PXDN: variants seen among roughly 807,000 people sequenced by gnomAD.
PXDN encodes peroxidasin, also known as peroxidasin homolog.
A neutral mutation model predicts 140.3 loss-of-function variants in PXDN; 77 were observed. That is an observed-to-expected ratio of 0.55 (90% confidence interval 0.46 to 0.66). The LOEUF (loss-of-function observed/expected upper bound fraction) is 0.66, where lower values mean the gene tolerates loss of function less well. Ranked by LOEUF, PXDN falls within the 30% of genes least tolerant of loss-of-function variation. The pLI is 0.00. For synonymous variants in PXDN, 911 were observed against 857.4 expected, an observed-to-expected ratio of 1.06 and a Z score of -1.09; for missense variants, 1,838 against 2,039.5, an observed-to-expected ratio of 0.90 and a Z score of 1.90.
rs1411377082 is a variant in PXDN, at chr2:1,648,313, G to A, written c.3467C>T (p.Ala1156Val). The change falls in exon 17 of 23, where the codon GCC (alanine) becomes GTC (valine). Residue 1156 changes from alanine to valine, a missense_variant. By Grantham distance (64) the Ala-to-Val change is moderately conservative. Coordinates refer to ENST00000252804, the MANE Select transcript of PXDN (RefSeq NM_012293.3). The surrounding 1 kb of genome is among the most constrained non-coding windows in gnomAD (Gnocchi z 8.9). ...GTCCCGGCCCCGCTGGATGTTGATG[G>A]CCGCCAGGTCCAGAGCCACCGTGTG... ...MAHTVALDLA[A>V]INIQRGRDHG... 1 of 1,613,898 alleles carries A rather than the reference G, an allele frequency of 6.2e-7. No individual in the cohort carries two copies. The highest frequency in any genetic ancestry group is 1.1e-5 in the South Asian group (1 of 91,082).
At position 1,658,795 on chromosome 2, in the gene PXDN, A is replaced by G. The variant is rs13432129; in HGVS notation, c.1837+2086T>C. On this transcript the variant is annotated intron_variant, in intron 14 of 22. Transcript: ENST00000252804. ...CTCATTCTGACCCCAGGACCCCCCC[A>G]CTCTACTCTCCCAGACCAGGCTGCC... Among the ~76,000 whole-genome samples the G allele has an allele frequency of 1.7e-4, 20 of 117,448 alleles. No individual in the cohort carries two copies. In the East Asian group the frequency reaches 2.9e-3, roughly 17 times the overall value. 77.1% of individuals were successfully genotyped at this position (117,448 alleles called of 152,430 possible). A position where few individuals can be genotyped will look rare whatever the true frequency, so the allele number is the denominator to read the frequency against.
chr2:1,710,682 CCACTCTATGAACACCCA>C (rs1186917218), intron 1 of PXDN, among the ~76,000 whole-genome samples: 4 of 136,768 alleles, frequency 2.9e-5, no homozygotes, highest in Admixed American at 1.5e-4. Flanking sequence ...CTACCAGCAC[CCACTCTATGAACACCCA>C]CTCTCCACCA....
chr2:1,665,934 C>T (rs1253804873), intron 10 of PXDN, among the ~76,000 whole-genome samples: 1 of 152,186 alleles, frequency 6.6e-6, no homozygotes, highest in Non-Finnish European at 1.5e-5. Flanking sequence ...CACTCTCTCT[C>T]TCACTTATCT....
chr2:1,666,075 T>G (rs1254071809), intron 10 of PXDN, 139 bp downstream of exon 10: 2 of 1,180,194 alleles, frequency 1.7e-6, no homozygotes, highest in African/African-American at 1.5e-5. Context: ...CCAAGGGGGG[T>G]GTAATGGATA....
intron 3 of PXDN, among the ~76,000 whole-genome samples, chr2:1,689,209 T>C (rs1269476527): frequency 1.3e-5 from 2 of 152,214 alleles, no homozygotes; most frequent in African/African-American, 4.8e-5. Flanking sequence ...TGTGTGTATA[T>C]ATATAAAGCT....
chr2:1,647,318 T>A (rs1572121484), intron 17 of PXDN, among the ~76,000 whole-genome samples: 1 of 152,324 alleles, frequency 6.6e-6, no homozygotes, highest in South Asian at 2.1e-4. Flanking sequence ...ATGTCTCCAC[T>A]TTGGGGAATT....
intron 19 of PXDN, among the ~76,000 whole-genome samples, chr2:1,641,769 T>C (rs1682733146): frequency 6.6e-6 from 1 of 152,208 alleles, no homozygotes; most frequent in Admixed American, 6.5e-5. Context: ...GATGAAGTCT[T>C]TCAAAGGACT....
chr2:1,730,558 C>T (rs895973199), intron 1 of PXDN, among the ~76,000 whole-genome samples: 2 of 152,202 alleles, frequency 1.3e-5, no homozygotes, highest in African/African-American at 4.8e-5. Context: ...CAGTCAGGCT[C>T]AGGGTATGGC....
intron 1 of PXDN, among the ~76,000 whole-genome samples, chr2:1,719,529 G>A (rs547422128): frequency 8.5e-5 from 13 of 152,224 alleles, no homozygotes; most frequent in Non-Finnish European, 1.6e-4. Context: ...TAGCACCCCT[G>A]TGCCTCTAAC....
chr2:1,717,703 C>T (rs1342910982), intron 1 of PXDN, among the ~76,000 whole-genome samples: 1 of 152,126 alleles, frequency 6.6e-6, no homozygotes, highest in Non-Finnish European at 1.5e-5. Flanking sequence ...CCTCTACTAA[C>T]CTACCCTACT....
intron 6 of PXDN, among the ~76,000 whole-genome samples, chr2:1,681,252 G>A (rs1243574189): frequency 6.6e-6 from 1 of 152,124 alleles, no homozygotes; most frequent in Non-Finnish European, 1.5e-5. Context: ...AATCTGTGAG[G>A]CAGGAAGCCC....
intron 1 of PXDN, among the ~76,000 whole-genome samples, chr2:1,698,787 G>A (rs1219924752): frequency 1.3e-5 from 2 of 152,154 alleles, no homozygotes; most frequent in Non-Finnish European, 2.9e-5. Flanking sequence ...CTTAGGGAAC[G>A]TCGACGCCAA....
intron 1 of PXDN, among the ~76,000 whole-genome samples, chr2:1,706,675 G>A (rs71277218): frequency 1.7e-5 from 1 of 58,576 alleles, no homozygotes. Context: ...TCAGCTCTAA[G>A]CATCGCCTGC....
chr2:1,665,834 TG>T (rs1452281442), intron 10 of PXDN, among the ~76,000 whole-genome samples: 1 of 152,232 alleles, frequency 6.6e-6, no homozygotes, highest in Non-Finnish European at 1.5e-5. Context: ...CATCCAAAAC[TG>T]ACCTTAGGGA....
chr2:1,707,877 T>C (rs1332612804), intron 1 of PXDN, among the ~76,000 whole-genome samples: 1 of 151,968 alleles, frequency 6.6e-6, no homozygotes, highest in East Asian at 1.9e-4. Context: ...ATTTAGGATC[T>C]ACGTTTTACC....
At chr2:1,641,062 G>C (rs1297638071) in intron 19 of PXDN, among the ~76,000 whole-genome samples, 1 of 152,246 alleles carries the variant, frequency 6.6e-6, no homozygotes, top group Non-Finnish European at 1.5e-5. Flanking sequence ...CCCAGACCTA[G>C]TGCAGACCCC....
intron 7 of PXDN, among the ~76,000 whole-genome samples, chr2:1,678,020 C>G (rs1385195854): frequency 6.6e-6 from 1 of 152,172 alleles, no homozygotes; most frequent in African/African-American, 2.4e-5. Context: ...GGGCTGTCAG[C>G]AAGGGCTCCT....
chr2:1,640,588 G>A (rs985416814), intron 19 of PXDN, among the ~76,000 whole-genome samples: 4 of 152,220 alleles, frequency 2.6e-5, no homozygotes, highest in Admixed American at 6.5e-5. Context: ...TACAGCTTCT[G>A]AGTAAACCCA....
chr2:1,635,091 G>A (rs1014550540), intron 22 of PXDN, among the ~76,000 whole-genome samples: 4 of 152,238 alleles, frequency 2.6e-5, no homozygotes, highest in Admixed American at 6.5e-5. Context: ...TCCATGGCAT[G>A]AGTATTCCTG....
Sources: allele counts gnomAD v4.1 joint callset (sites outside exome capture counted in the v4.1 genomes callset), GRCh38; gene constraint gnomAD v4.1.1; non-coding constraint Gnocchi (gnomAD v3.1); transcripts MANE v1.5; gene names NCBI Gene and HGNC (gene_info 2026-07-23, HGNC 2026-07-21).